Variants in FMN1 observed in about 807,000 individuals in gnomAD.
FMN1 encodes the protein formin-1.
FMN1 carries 110 observed loss-of-function variants against 132.4 expected under a neutral mutation model. The observed-to-expected ratio is 0.83, with a 90% confidence interval of 0.71 to 0.97. The LOEUF (loss-of-function observed/expected upper bound fraction) is 0.97. Ranked by LOEUF, FMN1 falls within the 50% of genes least tolerant of loss-of-function variation. The probability of loss-of-function intolerance (pLI) is 0.00; values close to 1 mark genes in which losing one functional copy is unlikely to be tolerated. For missense variants in FMN1, 1,792 were observed against 1,705.3 expected, an observed-to-expected ratio of 1.05 and a Z score of -0.90; for synonymous variants, 722 against 651.7, an observed-to-expected ratio of 1.11 and a Z score of -1.64.
At position 33,065,718 on chromosome 15, in the gene FMN1, G is replaced by T. The variant is rs370802757; in HGVS notation, c.2044-644C>A. ...AACTGAATATTTTAAATATATAGGA[G>T]GAATGATAGTCATACACTGAATTGA... On this transcript the variant is annotated intron_variant, in intron 5 of 20. Transcript: ENST00000616417. Among the ~76,000 whole-genome samples the T allele has an allele frequency of 4.6e-5, 7 of 152,064 alleles. No individual in the cohort carries two copies. The East Asian group carries it at 1.3e-3, about 29-fold the overall frequency.
intron 16 of FMN1, 121 bp from the exon 17 acceptor site, chr15:32,857,228 G>A: frequency 6.9e-6 from 5 of 723,710 alleles, no homozygotes; most frequent in South Asian, 1.8e-5. Flanking sequence ...AACCACTGTT[G>A]GTCCAAATTC....
At chr15:32,866,756 C>T (rs886885698) in intron 16 of FMN1, among the ~76,000 whole-genome samples, 2 of 152,190 alleles carry the variant, frequency 1.3e-5, no homozygotes, top group African/African-American at 4.8e-5. Context: ...TTAACCCATC[C>T]TGTGGGCAGT....
At chr15:32,786,137 AC>A (rs1332936448) in intron 19 of FMN1, among the ~76,000 whole-genome samples, 1 of 152,180 alleles carries the variant, frequency 6.6e-6, no homozygotes, top group Non-Finnish European at 1.5e-5. Context: ...CACTGGACTT[AC>A]CCTAAATGTA....
chr15:32,985,406 AT>A (rs938819993), intron 7 of FMN1, among the ~76,000 whole-genome samples: 1 of 151,970 alleles, frequency 6.6e-6, no homozygotes, highest in African/African-American at 2.4e-5. Context: ...TCATGTTTTT[AT>A]TTTTTGTTCA....
At chr15:33,072,515 G>A (rs1595407506) in intron 5 of FMN1, among the ~76,000 whole-genome samples, 1 of 152,176 alleles carries the variant, frequency 6.6e-6, no homozygotes, top group East Asian at 1.9e-4. Flanking sequence ...AAAAATGTGA[G>A]CATAGTATTT....
intron 7 of FMN1, among the ~76,000 whole-genome samples, chr15:32,999,416 A>G (rs1005299011): frequency 1.3e-5 from 2 of 152,240 alleles, no homozygotes; most frequent in African/African-American, 4.8e-5. Context: ...TGTGTTGGCC[A>G]CAGTAAAATG....
intron 7 of FMN1, among the ~76,000 whole-genome samples, chr15:32,972,970 A>C (rs2031910268): frequency 6.6e-6 from 1 of 152,120 alleles, no homozygotes; most frequent in South Asian, 2.1e-4. Flanking sequence ...GTCATGCTGA[A>C]TTTCTTGCTC....
chr15:33,057,787 T>C (rs2037286170), intron 6 of FMN1, among the ~76,000 whole-genome samples: 1 of 152,198 alleles, frequency 6.6e-6, no homozygotes, highest in African/African-American at 2.4e-5. Flanking sequence ...AGTTTACCTA[T>C]TGCAACTTTG....
intron 16 of FMN1, among the ~76,000 whole-genome samples, chr15:32,875,505 C>T (rs924695166): frequency 6.6e-6 from 1 of 151,768 alleles, no homozygotes; most frequent in African/African-American, 2.4e-5. Context: ...AGACTGGAAC[C>T]AGGGCTGTCA....
chr15:32,886,651 AG>A (rs1382789455), intron 16 of FMN1, among the ~76,000 whole-genome samples: 59 of 152,266 alleles, frequency 3.9e-4, no homozygotes, highest in African/African-American at 1.4e-3. Flanking sequence ...TTCGGCTCAA[AG>A]ACTATAGGAG....
intron 6 of FMN1, among the ~76,000 whole-genome samples, chr15:33,028,359 C>G (rs760963486): frequency 6.6e-6 from 1 of 152,052 alleles, no homozygotes; most frequent in Non-Finnish European, 1.5e-5. Context: ...CTCTGCTATC[C>G]AAGTTGATAA....
At chr15:33,093,712 T>C (rs748610779) in intron 4 of FMN1, among the ~76,000 whole-genome samples, 4 of 152,134 alleles carry the variant, frequency 2.6e-5, no homozygotes, top group Non-Finnish European at 4.4e-5. Flanking sequence ...TGAGCAAAGA[T>C]GGACAGGCGG....
At chr15:33,012,424 G>C in intron 6 of FMN1, 1 of 955,206 alleles carries the variant, frequency 1.0e-6, no homozygotes, top group Non-Finnish European at 1.7e-6. Flanking sequence ...CCACTCAACT[G>C]TGAAAAAGAC....
At chr15:32,776,256 G>A (rs2056413948) in intron 20 of FMN1, among the ~76,000 whole-genome samples, 1 of 152,188 alleles carries the variant, frequency 6.6e-6, no homozygotes, top group Admixed American at 6.5e-5. Context: ...CCTAGGTGGA[G>A]ATTCATTGTG....
Position 32,798,787 on chromosome 15 carries a change from CT to C in FMN1, c.4130+16del, listed in dbSNP as rs764333353. 1.2e-6 allele frequency: 2 copies of C among 1,603,348 alleles called. No individual in the cohort carries two copies. The highest frequency in any genetic ancestry group is 2.2e-5 in the South Asian group (2 of 88,978). On this transcript the variant is annotated intron_variant, in intron 19 of 20. Coordinates refer to ENST00000616417, the MANE Select transcript of FMN1 (RefSeq NM_001277313.2). ...AGGCTCCTGAAGGAGGCATTAAAAT[CT>C]TTTTTTGAACCTTACCTTTCTTTAG...
chr15:32,798,966 G>T lies in FMN1; in HGVS notation c.3981-13C>A, dbSNP rs779590461. ...TGTTGTTTCAAAACTGCAACAGGTA[G>T]GGGGGAAAATGGAATGAGGTAGAGG... On this transcript the variant is annotated splice_polypyrimidine_tract_variant and intron_variant, in intron 18 of 20. Transcript: ENST00000616417. 1.9e-6 allele frequency: 3 copies of T among 1,611,690 alleles called. No homozygotes were observed. The highest frequency in any genetic ancestry group is 2.5e-6 in the Non-Finnish European group (3 of 1,178,986).
intron 6 of FMN1, among the ~76,000 whole-genome samples, chr15:33,011,322 T>C (rs1164889344): frequency 1.3e-5 from 2 of 152,114 alleles, no homozygotes; most frequent in African/African-American, 2.4e-5. Flanking sequence ...GAATGATCTT[T>C]TCAATAACTA....
chr15:32,775,263 C>G lies in FMN1; in HGVS notation c.4216-909G>C, dbSNP rs561592511. Among the ~76,000 whole-genome samples, 3 of 152,190 alleles carry G rather than the reference C, an allele frequency of 2.0e-5. No homozygotes were observed. In the South Asian group the frequency reaches 6.2e-4, roughly 32 times the overall value. ...AAATTTGGACCCCATCCCTAACTTG[C>G]GAAATTGAATCAGGAATCAGTTTAC... On this transcript the variant is annotated intron_variant, in intron 20 of 20. Coordinates refer to ENST00000616417, the MANE Select transcript of FMN1 (RefSeq NM_001277313.2).
chr15:33,058,274 A>G (rs905255372), intron 6 of FMN1, among the ~76,000 whole-genome samples: 1 of 152,206 alleles, frequency 6.6e-6, no homozygotes, highest in Non-Finnish European at 1.5e-5. Flanking sequence ...CGACTGAAAA[A>G]TGTTTGTAAA....
Sources: gnomAD v4.1 joint callset for allele counts (sites outside exome capture counted in the v4.1 genomes callset) on GRCh38, gnomAD v4.1.1 for gene constraint, MANE v1.5 for transcripts, NCBI Gene and HGNC (gene_info 2026-07-23, HGNC 2026-07-21) for gene names.